The following UNC5D variants were observed in gnomAD, a reference collection of about 807,000 sequenced individuals.
UNC5D encodes the protein netrin receptor UNC5D.
UNC5D carries 39 observed loss-of-function variants against 105.4 expected under a neutral mutation model. That is an observed-to-expected ratio of 0.37 (90% confidence interval 0.29 to 0.48). The LOEUF is 0.48. Ranked by LOEUF, UNC5D falls within the 20% of genes least tolerant of loss-of-function variation. The pLI is 0.98. For missense variants in UNC5D, 991 were observed against 1,202.4 expected, an observed-to-expected ratio of 0.82 and a Z score of 2.60; for synonymous variants, 452 against 450.4, an observed-to-expected ratio of 1.00 and a Z score of -0.04.
chr8:35,519,979 G>GT (rs1185148664), intron 1 of UNC5D, among the ~76,000 whole-genome samples: 2 of 152,074 alleles, frequency 1.3e-5, no homozygotes, highest in African/African-American at 4.8e-5. Context: ...ATGTAGAATG[G>GT]TACAGGCACT....
At chr8:35,613,517 A>G (rs1161046505) in intron 4 of UNC5D, among the ~76,000 whole-genome samples, 1 of 152,138 alleles carries the variant, frequency 6.6e-6, no homozygotes, top group Non-Finnish European at 1.5e-5. Flanking sequence ...CTCTTTAATA[A>G]ATTTATTTTT....
intron 1 of UNC5D, among the ~76,000 whole-genome samples, chr8:35,512,475 T>TCTGC (rs1812785733): frequency 6.0e-5 from 6 of 100,198 alleles, no homozygotes; most frequent in Non-Finnish European, 1.2e-4. Flanking sequence ...CATATATATA[T>TCTGC]ATATATATAT....
intron 15 of UNC5D, 125 bp from the exon 16 acceptor site, chr8:35,774,174 G>C: frequency 1.0e-6 from 1 of 968,202 alleles, no homozygotes; most frequent in Non-Finnish European, 1.5e-6. Context: ...GTATTTTATA[G>C]AGTCCATCAC....
intron 1 of UNC5D, among the ~76,000 whole-genome samples, chr8:35,351,532 A>G (rs1416829218): frequency 1.3e-5 from 2 of 152,122 alleles, no homozygotes; most frequent in African/African-American, 2.4e-5. Flanking sequence ...AATTGTATCC[A>G]GTGCCACCTT....
chr8:35,597,150 T>C (rs1421419397), intron 4 of UNC5D, among the ~76,000 whole-genome samples: 2 of 152,166 alleles, frequency 1.3e-5, no homozygotes, highest in African/African-American at 2.4e-5. Context: ...ACACACATAC[T>C]TGCATATTTA....
chr8:35,526,001 A>G (rs1416688697), intron 1 of UNC5D, among the ~76,000 whole-genome samples: 1 of 152,186 alleles, frequency 6.6e-6, no homozygotes, highest in Non-Finnish European at 1.5e-5. Context: ...TGTCTCACTA[A>G]GCATTACATT....
chr8:35,744,706 G>A (rs985363876), intron 11 of UNC5D, among the ~76,000 whole-genome samples: 13 of 152,026 alleles, frequency 8.6e-5, no homozygotes, highest in East Asian at 1.9e-4. Flanking sequence ...TGCTTACAGC[G>A]GGCATGTATG....
At chr8:35,576,020 T>C (rs1184148147) in intron 3 of UNC5D, among the ~76,000 whole-genome samples, 1 of 152,188 alleles carries the variant, frequency 6.6e-6, no homozygotes, top group East Asian at 1.9e-4. Context: ...TAGGTACTGT[T>C]TTCTCACCAG....
rs1033953461 is a variant in UNC5D at position 35,608,022 on chromosome 8, T to C, written c.570+12365T>C. Among the ~76,000 whole-genome samples the C allele has an allele frequency of 6.6e-5, 10 of 152,252 alleles. No homozygotes were observed. In the East Asian group the frequency reaches 1.7e-3, roughly 27 times the overall value. ...ATTAGACTATGGCTGACTGTAATCC[T>C]GCATGGCCTCATACTTTATATTCTG... On this transcript the variant is annotated intron_variant, in intron 4 of 16. Transcript: ENST00000404895.
At chr8:35,513,672 C>G (rs1165434379) in intron 1 of UNC5D, among the ~76,000 whole-genome samples, 1 of 152,152 alleles carries the variant, frequency 6.6e-6, no homozygotes, top group Non-Finnish European at 1.5e-5. Flanking sequence ...TTCCTTGTTC[C>G]TTCCAAGAAT....
chr8:35,374,173 C>CCATAAACTATT (rs1415453388), intron 1 of UNC5D, among the ~76,000 whole-genome samples: 1 of 152,094 alleles, frequency 6.6e-6, no homozygotes, highest in African/African-American at 2.4e-5. Flanking sequence ...TTTGCTTTTA[C>CCATAAACTATT]CATAAACTAT....
chr8:35,389,427 G>T (rs901011192), intron 1 of UNC5D, among the ~76,000 whole-genome samples: 1 of 152,038 alleles, frequency 6.6e-6, no homozygotes, highest in Admixed American at 6.6e-5. Context: ...CAGGCTTTTG[G>T]ACCACACTTT....
chr8:35,407,240 G>A (rs1804863940), intron 1 of UNC5D, among the ~76,000 whole-genome samples: 1 of 151,968 alleles, frequency 6.6e-6, no homozygotes, highest in African/African-American at 2.4e-5. Context: ...TTGTGTAAGT[G>A]TACTCTATGA....
rs373837780 is a variant in UNC5D at position 35,586,488 on chromosome 8, G to A, written c.467-9066G>A. Among the ~76,000 whole-genome samples the A allele has an allele frequency of 1.3e-4, 20 of 152,250 alleles. No individual in the cohort carries two copies. The East Asian group carries it at 3.7e-3, about 28-fold the overall frequency. ...CAACTCAGGGCTGGAGGATTGAGGT[G>A]GAACCACATGGAAGCACCAGGCCTT... On this transcript the variant is annotated intron_variant, in intron 3 of 16. Transcript: ENST00000404895.
chr8:35,572,993 C>T (rs928057071), intron 3 of UNC5D, among the ~76,000 whole-genome samples: 6 of 151,872 alleles, frequency 4.0e-5, no homozygotes, highest in African/African-American at 9.7e-5. Flanking sequence ...TTAGTAGAGA[C>T]GGGGTTTCAC....
intron 1 of UNC5D, among the ~76,000 whole-genome samples, chr8:35,269,152 T>C (rs1805096718): frequency 6.6e-6 from 1 of 152,186 alleles, no homozygotes; most frequent in Non-Finnish European, 1.5e-5. Flanking sequence ...ATGTAGTAAA[T>C]TATCACATGT....
At chr8:35,389,010 T>C (rs1803607099) in intron 1 of UNC5D, among the ~76,000 whole-genome samples, 1 of 152,236 alleles carries the variant, frequency 6.6e-6, no homozygotes, top group African/African-American at 2.4e-5. Flanking sequence ...TTTCTGTTTC[T>C]TTCACTAATT....
chr8:35,346,854 T>C (rs1196876738), intron 1 of UNC5D, among the ~76,000 whole-genome samples: 2 of 152,032 alleles, frequency 1.3e-5, no homozygotes, highest in Non-Finnish European at 1.5e-5. Context: ...ATCTTTTTTT[T>C]CTTCTAATGA....
chr8:35,402,982 T>C (rs1804568990), intron 1 of UNC5D, among the ~76,000 whole-genome samples: 1 of 152,142 alleles, frequency 6.6e-6, no homozygotes, highest in Non-Finnish European at 1.5e-5. Context: ...CTGTTCTTTC[T>C]CTCCAGTATC....
Sources: gnomAD v4.1 joint callset for allele counts (sites outside exome capture counted in the v4.1 genomes callset) on GRCh38, gnomAD v4.1.1 for gene constraint, MANE v1.5 for transcripts, NCBI Gene and HGNC (gene_info 2026-07-23, HGNC 2026-07-21) for gene names.